Variants in C1QTNF6 observed in about 807,000 individuals in gnomAD.
C1QTNF6 encodes the protein complement C1q tumor necrosis factor-related protein 6.
C1QTNF6 carries 17 observed loss-of-function variants against 20.7 expected under a neutral mutation model. The ratio of observed to expected loss-of-function variants is 0.82; its 90% confidence interval spans 0.56 to 1.23. The LOEUF is 1.23. Ranked by LOEUF, C1QTNF6 falls within the 50% of genes most tolerant of loss-of-function variation. C1QTNF6 has a pLI of 0.00. For synonymous variants in C1QTNF6, 130 were observed against 156.3 expected (o/e 0.83, Z 1.25); for missense variants, 329 against 389.7 (o/e 0.84, Z 1.31).
intron 2 of C1QTNF6, among the ~76,000 whole-genome samples, chr22:37,194,522 G>A (rs1030164026): frequency 1.3e-5 from 2 of 152,134 alleles, no homozygotes; most frequent in Non-Finnish European, 2.9e-5. Flanking sequence ...TTCTCTCTGT[G>A]GCTTTGATGG....
At position 37,182,035 on chromosome 22, in the gene C1QTNF6, TGATGGCAGCCAA is replaced by T; in HGVS notation, c.*141_*152del. ...AGGAGCAGAAATAGGCTGGGAGGGA[TGATGGCAGCCAA>T]GATAGAAGCAGGGTCTCCCCAGAAT... On this transcript the variant is annotated 3_prime_UTR_variant, in exon 3 of 3. Coordinates refer to ENST00000337843, the MANE Select transcript of C1QTNF6 (RefSeq NM_031910.4). The T allele has an allele frequency of 2.6e-6, 2 of 775,024 alleles. No individual in the cohort carries two copies. The highest frequency in any genetic ancestry group is 5.4e-5 in the East Asian group (2 of 36,878). The allele number at this position is 775,024 out of a possible 1,614,324, so 48.0% of individuals were successfully genotyped here. A position where few individuals can be genotyped will look rare whatever the true frequency, so the allele number is the denominator to read the frequency against.
chr22:37,185,448 A>G lies in C1QTNF6; in HGVS notation c.59T>C (p.Met20Thr). The G allele has an allele frequency of 1.3e-6, 2 of 1,599,688 alleles. No homozygotes were observed. The highest frequency in any genetic ancestry group is 1.7e-6 in the Non-Finnish European group (2 of 1,171,776). The part of the protein sequence containing the change: ...PGEATGHRVT[M>T]GTAALGPVWA... ...GACGGGACCCAGGGCGGCTGTCCCCATGGTGACCTGGAACAAGGAAGGAGG... is the reference window on the plus strand; with the variant it reads ...GACGGGACCCAGGGCGGCTGTCCCCGTGGTGACCTGGAACAAGGAAGGAGG... Residue 20 changes from methionine to threonine, a missense_variant, in exon 2 of 3, where the codon ATG (methionine) becomes ACG (threonine). By Grantham distance (81) the Met-to-Thr change is moderately conservative (BLOSUM62 -1). Transcript: ENST00000337843.
In C1QTNF6 at chr22:37,188,037, T is replaced by G. The variant is rs1207942137; in HGVS notation, c.51+126A>C. The G allele has an allele frequency of 3.0e-6, 3 of 986,226 alleles. No individual in the cohort carries two copies. In the African/African-American group the frequency reaches 5.0e-5, roughly 16 times the overall value. 61.1% of individuals were successfully genotyped at this position (986,226 alleles called of 1,614,324 possible). A position where few individuals can be genotyped will look rare whatever the true frequency, so the allele number is the denominator to read the frequency against. On this transcript the variant is annotated intron_variant, in intron 1 of 2. Coordinates refer to ENST00000337843, the MANE Select transcript of C1QTNF6 (RefSeq NM_031910.4). ...AGGAGGAAATGTGGAGGGGAGAGCCTGGAGAGGCTGTCCCAGTCAGAGGGA... is the reference window on the plus strand; with the variant it reads ...AGGAGGAAATGTGGAGGGGAGAGCCGGGAGAGGCTGTCCCAGTCAGAGGGA...
intron 2 of C1QTNF6, among the ~76,000 whole-genome samples, chr22:37,183,740 A>G (rs1419883679): frequency 2.0e-5 from 3 of 152,198 alleles, no homozygotes; most frequent in African/African-American, 4.8e-5. Flanking sequence ...TTCTGGCTCC[A>G]CCGCCTGGCT....
At position 37,182,346 on chromosome 22, in the gene C1QTNF6, T is replaced by C; in HGVS notation, c.679A>G (p.Ser227Gly). The change falls in exon 3 of 3, where the codon AGC becomes GGC. Residue 227 changes from serine (S) to glycine (G), a missense_variant. Ser to Gly is a moderately conservative substitution (Grantham distance 56). Coordinates refer to ENST00000337843, the MANE Select transcript of C1QTNF6 (RefSeq NM_031910.4). ...ATCACACTCTGGCTCTGCATGATGC[T>C]GCGCTCGCTGGGCTGCGCGTACAGG... ...VILYAQPSER[S>G]IMQSQSVMLD... 1 of 1,614,292 alleles carries C rather than the reference T, an allele frequency of 6.2e-7. No homozygotes were observed. The highest frequency in any genetic ancestry group is 1.1e-5 in the South Asian group (1 of 91,088).
At chr22:37,199,040 C>T (rs148978546), upstream of C1QTNF6, among the ~76,000 whole-genome samples, 3 of 152,332 alleles carry the variant, frequency 2.0e-5, no homozygotes, top group East Asian at 5.8e-4. Context: ...CGCGCCAGGC[C>T]CTCTGCCCCG....
chr22:37,181,911 A>G lies in C1QTNF6; in HGVS notation c.*277T>C, dbSNP rs909435670. The G allele has an allele frequency of 2.3e-5, 11 of 468,590 alleles. No homozygotes were observed. In the Admixed American group the frequency reaches 2.8e-4, roughly 12 times the overall value. The allele number at this position is 468,590 out of a possible 1,614,324, so 29.0% of individuals were successfully genotyped here. The stretch of plus-strand genomic sequence containing the variant: ...TTAACACGAACCCCGGGTGATTCGC[A>G]TGCATTTCCAAGTTTGAGAAGTGCT... On this transcript the variant is annotated 3_prime_UTR_variant, in exon 3 of 3. Transcript: ENST00000337843.
Position 37,182,769 on chromosome 22 carries a change from A to T in C1QTNF6, c.290-34T>A. ...ATAAAAAGGGGACAAGTCAGGGTGG[A>T]CATCTGAGCCTGCTCCAAGGAGGTG... On this transcript the variant is annotated intron_variant, in intron 2 of 2. Transcript: ENST00000337843. The T allele has an allele frequency of 2.6e-6, 4 of 1,535,902 alleles. No individual in the cohort carries two copies. The South Asian group carries it at 4.9e-5, about 19-fold the overall frequency.
chr22:37,188,283 A>AGGAAGGAGAGAGGAGGGGAT, upstream of C1QTNF6: 1 of 1,153,062 alleles, frequency 8.7e-7, no homozygotes, highest in Non-Finnish European at 1.2e-6. Flanking sequence ...GGCCCAGCAG[A>AGGAAGGAGAGAGGAGGGGAT]GGAGGGAGAG....
At chr22:37,188,063 G>A (rs1457232695) in intron 1 of C1QTNF6, 100 bp downstream of exon 1, 85 of 1,277,174 alleles carry the variant, frequency 6.7e-5, no homozygotes, top group Non-Finnish European at 8.9e-5. Flanking sequence ...GTCAGAGGGA[G>A]AGAGCAGGGC....
Position 37,182,724 on chromosome 22 carries a change from C to T in C1QTNF6, c.301G>A (p.Asp101Asn). The change falls in exon 3 of 3, where the codon GAC (aspartate) becomes AAC (asparagine). Residue 101 changes from aspartate to asparagine, a missense_variant. By Grantham distance (23) the Asp-to-Asn change is conservative. Coordinates refer to ENST00000337843, the MANE Select transcript of C1QTNF6 (RefSeq NM_031910.4). ...NITILKGDKG[D>N]PGPMGLPGYM... ...CCTGGCAGGCCCATTGGGCCTGGGT[C>T]CCCTTTGTCACCTGTGGGGATAAAA... 6.2e-7 allele frequency: 1 copy of T among 1,606,114 alleles called. No homozygotes were observed. Among genetic ancestry groups the T allele is most frequent in the Non-Finnish European group, 8.5e-7 (1 of 1,177,224 alleles).
upstream of C1QTNF6, among the ~76,000 whole-genome samples, chr22:37,191,083 T>G (rs539855240): frequency 6.6e-6 from 1 of 152,282 alleles, no homozygotes; most frequent in African/African-American, 2.4e-5. Context: ...GTTTTCTTTT[T>G]CTCTGCATTT....
chr22:37,188,278 A>G, upstream of C1QTNF6: 2 of 1,308,914 alleles, frequency 1.5e-6, no homozygotes, highest in Non-Finnish European at 1.0e-6. Flanking sequence ...CCCCAGGCCC[A>G]GCAGAGGAGG....
chr22:37,190,766 A>G (rs995720950), upstream of C1QTNF6: 1 of 152,172 alleles, frequency 6.6e-6, no homozygotes, highest in Non-Finnish European at 1.5e-5. Context: ...AGTTAAGAAC[A>G]CTCACAAATA....
upstream of C1QTNF6, among the ~76,000 whole-genome samples, chr22:37,190,247 C>T (rs1924727054): frequency 6.6e-6 from 1 of 152,116 alleles, no homozygotes; most frequent in Non-Finnish European, 1.5e-5. Context: ...GCAAAATAAG[C>T]TTTAGTCTTA....
intron 2 of C1QTNF6, among the ~76,000 whole-genome samples, chr22:37,183,885 C>A (rs567199025): frequency 6.6e-6 from 1 of 152,304 alleles, no homozygotes; most frequent in South Asian, 2.1e-4. Context: ...AGGCAGCAAG[C>A]TCAGGGCGGG....
rs779497510 is a variant in C1QTNF6, at chr22:37,182,528, T to C, written c.497A>G (p.Glu166Gly). Residue 166 changes from glutamate to glycine, a missense_variant, in exon 3 of 3, where the codon GAA becomes GGA. Physicochemically the swap from Glu to Gly is moderately conservative, Grantham distance 98 (BLOSUM62 -2). Coordinates refer to ENST00000337843, the MANE Select transcript of C1QTNF6 (RefSeq NM_031910.4). ...SGEDFQTLLF[E>G]RVFVNLDGCF... ...CCCATCAAGGTTCACAAAGACCCTT[T>C]CGAAGAGCAGCGTCTGGAAGTCCTC... The C allele has an allele frequency of 3.1e-6, 5 of 1,614,246 alleles. No individual in the cohort carries two copies. Among genetic ancestry groups the C allele is most frequent in the East Asian group, 4.5e-5 (2 of 44,882 alleles).
chr22:37,185,940 C>A (rs763684049), intron 1 of C1QTNF6: 1 of 986,106 alleles, frequency 1.0e-6, no homozygotes, highest in Non-Finnish European at 1.2e-6. Context: ...GGCAGGAGGA[C>A]TGAGGTTAGT....
At chr22:37,188,372 G>T, upstream of C1QTNF6, 2 of 587,762 alleles carry the variant, frequency 3.4e-6, no homozygotes, top group Non-Finnish European at 5.6e-6. Flanking sequence ...CCTCCTCCCT[G>T]CTCCCTCCCT....
Sources: allele counts gnomAD v4.1 joint callset (sites outside exome capture counted in the v4.1 genomes callset), GRCh38; gene constraint gnomAD v4.1.1; transcripts MANE v1.5; gene names NCBI Gene and HGNC (gene_info 2026-07-23, HGNC 2026-07-21).